The following EPB41L2 variants were observed in gnomAD, a reference collection of about 807,000 sequenced individuals.
The protein encoded by EPB41L2 is erythrocyte membrane protein band 4.1 like 2, also known as band 4.1-like protein 2.
EPB41L2 carries 43 observed loss-of-function variants against 113.0 expected under a neutral mutation model. The ratio of observed to expected loss-of-function variants is 0.38; its 90% confidence interval spans 0.30 to 0.49. The LOEUF (loss-of-function observed/expected upper bound fraction) is 0.49. Ranked by LOEUF, EPB41L2 falls within the 20% of genes least tolerant of loss-of-function variation. The probability of loss-of-function intolerance (pLI) is 0.95; values close to 1 mark genes in which losing one functional copy is unlikely to be tolerated. For synonymous variants in EPB41L2, 442 were observed against 436.7 expected, an observed-to-expected ratio of 1.01 and a Z score of -0.15; for missense variants, 1,147 against 1,223.4, an observed-to-expected ratio of 0.94 and a Z score of 0.93.
intron 11 of EPB41L2, among the ~76,000 whole-genome samples, chr6:130,889,832 G>T (rs573317097): frequency 6.6e-6 from 1 of 152,132 alleles, no homozygotes. Context: ...GACAATACAG[G>T]TTGAGTATCC....
intron 1 of EPB41L2, among the ~76,000 whole-genome samples, chr6:131,008,723 A>G (rs1248908894): frequency 6.6e-6 from 1 of 152,234 alleles, no homozygotes; most frequent in East Asian, 1.9e-4. Context: ...CATGATCTGG[A>G]TGTGAGACAT....
At chr6:131,001,446 C>T (rs959232810) in intron 1 of EPB41L2, among the ~76,000 whole-genome samples, 2 of 152,126 alleles carry the variant, frequency 1.3e-5, no homozygotes, top group African/African-American at 4.8e-5. Context: ...AAGTTAAGTA[C>T]AGCATTATAA....
chr6:130,939,611 AC>A (rs1583669735), intron 3 of EPB41L2, among the ~76,000 whole-genome samples: 1 of 151,946 alleles, frequency 6.6e-6, no homozygotes, highest in Middle Eastern at 3.2e-3. Context: ...CCTAGGACCC[AC>A]CCCCCAATTA....
At chr6:130,914,079 A>G (rs1324735622) in intron 4 of EPB41L2, among the ~76,000 whole-genome samples, 1 of 152,138 alleles carries the variant, frequency 6.6e-6, no homozygotes, top group Non-Finnish European at 1.5e-5. Flanking sequence ...TTTTCTATCA[A>G]CTCTAACTTG....
intron 1 of EPB41L2, chr6:130,978,933 C>G (rs915836927): frequency 6.6e-6 from 1 of 152,060 alleles, no homozygotes; most frequent in Non-Finnish European, 1.5e-5. Context: ...CACTCTTCAC[C>G]GTGGGAACAG....
chr6:130,948,149 A>G (rs977781037), intron 3 of EPB41L2, among the ~76,000 whole-genome samples: 5 of 152,248 alleles, frequency 3.3e-5, no homozygotes, highest in African/African-American at 1.2e-4. Context: ...CTATTAAATG[A>G]AAAGATACTC....
intron 3 of EPB41L2, among the ~76,000 whole-genome samples, chr6:130,932,549 T>C (rs976637082): frequency 3.3e-5 from 5 of 152,224 alleles, no homozygotes; most frequent in Admixed American, 3.3e-4. Context: ...TCCTCTGATT[T>C]ATTTACAAGT....
rs764103484 is a variant in EPB41L2, at chr6:130,879,573, GCTTT to G, written c.1896+567_1896+570del. On this transcript the variant is annotated intron_variant, in intron 13 of 19. Transcript: ENST00000337057. ...TTTACATTCATAATTGGGTGATTGGGCTTTCTTTTTCTCCTTTCCTTCTCTCTCA... is the reference window on the plus strand; with the variant it reads ...TTTACATTCATAATTGGGTGATTGGGCTTTTTCTCCTTTCCTTCTCTCTCA... Among the ~76,000 whole-genome samples, 110 of 152,254 alleles carry G rather than the reference GCTTT, an allele frequency of 7.2e-4. 1 individual carries two copies. Among genetic ancestry groups the G allele is most frequent in the Non-Finnish European group, 1.2e-3 (83 of 68,010 alleles).
chr6:130,943,306 A>G (rs1271799553), intron 3 of EPB41L2, among the ~76,000 whole-genome samples: 1 of 152,212 alleles, frequency 6.6e-6, no homozygotes, highest in African/African-American at 2.4e-5. Flanking sequence ...GCGTGAGTAC[A>G]TATTTTAAAG....
intron 19 of EPB41L2, among the ~76,000 whole-genome samples, chr6:130,843,994 C>T (rs1735890057): frequency 6.6e-6 from 1 of 152,142 alleles, no homozygotes; most frequent in South Asian, 2.1e-4. Flanking sequence ...AGACAAAGGG[C>T]TCATGTATTG....
At chr6:131,053,508 A>G (rs1453384159) in intron 1 of EPB41L2, among the ~76,000 whole-genome samples, 1 of 150,760 alleles carries the variant, frequency 6.6e-6, no homozygotes, top group Non-Finnish European at 1.5e-5. Flanking sequence ...CCCTGCTTCT[A>G]GTCAGCAAAG....
At chr6:130,904,345 C>G in intron 6 of EPB41L2, 120 bp downstream of exon 6, 1 of 588,004 alleles carries the variant, frequency 1.7e-6, no homozygotes, top group African/African-American at 1.9e-5. Context: ...AAGGAAACTT[C>G]TAAAACTTAA....
chr6:130,987,470 A>C (rs1780835314), intron 1 of EPB41L2, among the ~76,000 whole-genome samples: 2 of 152,152 alleles, frequency 1.3e-5, no homozygotes, highest in African/African-American at 4.8e-5. Context: ...AGACAGGTGG[A>C]TCACTTGATT....
chr6:130,867,937 G>A (rs1582863622), intron 15 of EPB41L2: 1 of 178,766 alleles, frequency 5.6e-6, no homozygotes, highest in African/African-American at 2.6e-5. Context: ...AGTGTATAGT[G>A]ACACACACAC....
intron 1 of EPB41L2, among the ~76,000 whole-genome samples, chr6:131,017,417 A>G (rs539318812): frequency 2.0e-5 from 3 of 152,328 alleles, no homozygotes; most frequent in South Asian, 2.1e-4. Context: ...TGATAACAGT[A>G]CTTCACATAG....
chr6:130,881,751 T>C (rs2128467134), intron 12 of EPB41L2: 1 of 152,264 alleles, frequency 6.6e-6, no homozygotes, highest in East Asian at 1.9e-4. Context: ...TGAGGCCCAA[T>C]CTTAGTGTTA....
At chr6:131,061,373 T>G (rs189575852) in intron 1 of EPB41L2, among the ~76,000 whole-genome samples, 1 of 152,286 alleles carries the variant, frequency 6.6e-6, no homozygotes, top group Non-Finnish European at 1.5e-5. Context: ...CTCCAAAGAA[T>G]AGATATCTGA....
chr6:130,880,509 A>C, intron 12 of EPB41L2: 1 of 636,178 alleles, frequency 1.6e-6, no homozygotes, highest in Non-Finnish European at 2.8e-6. Flanking sequence ...CACACAGCAA[A>C]CGGCCAGAAA....
chr6:131,011,337 A>T (rs1014221730), intron 1 of EPB41L2, among the ~76,000 whole-genome samples: 13 of 152,224 alleles, frequency 8.5e-5, no homozygotes, highest in Admixed American at 2.6e-4. Context: ...GACCACTACA[A>T]GTTGCTCTTT....
Sources: gnomAD v4.1 joint callset for allele counts (sites outside exome capture counted in the v4.1 genomes callset) on GRCh38, gnomAD v4.1.1 for gene constraint, MANE v1.5 for transcripts, NCBI Gene and HGNC (gene_info 2026-07-23, HGNC 2026-07-21) for gene names.